The following KCNT2 variants were observed in gnomAD, a reference collection of about 807,000 sequenced individuals.
KCNT2 encodes the protein potassium sodium-activated channel subfamily T member 2.
A neutral mutation model predicts 153.8 loss-of-function variants in KCNT2; 67 were observed. That is an observed-to-expected ratio of 0.44 (90% CI 0.36 to 0.53). The LOEUF is 0.53. KCNT2 is among the 20% of genes least tolerant of loss of function. The pLI is 0.00. For missense variants in KCNT2, 975 were observed against 1,354.8 expected, an observed-to-expected ratio of 0.72 and a Z score of 4.40; for synonymous variants, 500 against 458.8, an observed-to-expected ratio of 1.09 and a Z score of -1.15.
intron 1 of KCNT2, among the ~76,000 whole-genome samples, chr1:196,573,293 G>T (rs746814189): frequency 1.3e-5 from 2 of 151,990 alleles, no homozygotes; most frequent in Non-Finnish European, 2.9e-5. Context: ...AACTCATAAA[G>T]ATATTTGTGT....
At chr1:196,520,072 A>G (rs2148820009) in intron 1 of KCNT2, among the ~76,000 whole-genome samples, 1 of 152,282 alleles carries the variant, frequency 6.6e-6, no homozygotes, top group East Asian at 1.9e-4. Context: ...ATACTGGCAA[A>G]CCAAATCCAG....
At chr1:196,525,311 T>C (rs1654026525) in intron 1 of KCNT2, among the ~76,000 whole-genome samples, 2 of 152,228 alleles carry the variant, frequency 1.3e-5, no homozygotes, top group African/African-American at 4.8e-5. Flanking sequence ...TCAGCTCTCA[T>C]ACTGTAAACA....
At chr1:196,432,670 C>T (rs1006748721) in intron 8 of KCNT2, among the ~76,000 whole-genome samples, 1 of 152,078 alleles carries the variant, frequency 6.6e-6, no homozygotes, top group Non-Finnish European at 1.5e-5. Flanking sequence ...ATGCCTGTCT[C>T]ACCATTGTAT....
chr1:196,354,360 C>T (rs567681491), intron 14 of KCNT2, among the ~76,000 whole-genome samples: 14 of 151,826 alleles, frequency 9.2e-5, no homozygotes, highest in African/African-American at 3.1e-4. Flanking sequence ...TAATTTACTT[C>T]AGATTCACCA....
At chr1:196,439,534 G>A (rs1376138305) in intron 8 of KCNT2, among the ~76,000 whole-genome samples, 1 of 151,904 alleles carries the variant, frequency 6.6e-6, no homozygotes, top group Non-Finnish European at 1.5e-5. Flanking sequence ...AATAGTTATT[G>A]ATTTTCCAAA....
chr1:196,402,151 C>T (rs959213581), intron 12 of KCNT2, among the ~76,000 whole-genome samples: 2 of 151,290 alleles, frequency 1.3e-5, no homozygotes, highest in African/African-American at 2.4e-5. Context: ...GAAATGTACT[C>T]CCATTGGAAT....
chr1:196,340,086 G>A (rs550546479), intron 16 of KCNT2, among the ~76,000 whole-genome samples: 2 of 152,062 alleles, frequency 1.3e-5, no homozygotes, highest in South Asian at 4.2e-4. Flanking sequence ...CCTGGCTCAA[G>A]CAATTCTTCC....
intron 26 of KCNT2, among the ~76,000 whole-genome samples, chr1:196,245,253 A>G (rs942461102): frequency 4.6e-5 from 7 of 151,978 alleles, no homozygotes; most frequent in African/African-American, 1.4e-4. Flanking sequence ...AACTTTGGGA[A>G]GCCGAGGTGG....
chr1:196,523,781 A>G (rs868147694), intron 1 of KCNT2, among the ~76,000 whole-genome samples: 1 of 152,206 alleles, frequency 6.6e-6, no homozygotes, highest in African/African-American at 2.4e-5. Context: ...AGCGATTCAA[A>G]TTAAAGCTGT....
At chr1:196,574,909 C>G (rs1379091751) in intron 1 of KCNT2, among the ~76,000 whole-genome samples, 1 of 151,868 alleles carries the variant, frequency 6.6e-6, no homozygotes, top group African/African-American at 2.4e-5. Context: ...AGATATTTCT[C>G]CCTGTTTTCA....
At chr1:196,403,169 T>C (rs1572329151) in intron 12 of KCNT2, among the ~76,000 whole-genome samples, 1 of 151,804 alleles carries the variant, frequency 6.6e-6, no homozygotes, top group East Asian at 2.0e-4. Flanking sequence ...GTAACCAAGA[T>C]ATACTTCAAT....
intron 22 of KCNT2, among the ~76,000 whole-genome samples, chr1:196,299,594 A>C (rs916148284): frequency 2.6e-5 from 4 of 152,140 alleles, no homozygotes; most frequent in Admixed American, 2.6e-4. Flanking sequence ...AAAAAGACAA[A>C]AAATAACAAA....
intron 22 of KCNT2, among the ~76,000 whole-genome samples, chr1:196,298,772 C>T (rs921031507): frequency 6.7e-6 from 1 of 148,216 alleles, no homozygotes; most frequent in African/African-American, 2.5e-5. Flanking sequence ...AGAGGTGCCC[C>T]TCCATAAGTC....
At chr1:196,256,635 T>C (rs1484179397) in intron 26 of KCNT2, among the ~76,000 whole-genome samples, 3 of 151,418 alleles carry the variant, frequency 2.0e-5, no homozygotes, top group African/African-American at 7.3e-5. Flanking sequence ...AATATAAAAA[T>C]AAGATTCCTA....
At chr1:196,541,729 A>G (rs977523406) in intron 1 of KCNT2, among the ~76,000 whole-genome samples, 1 of 152,122 alleles carries the variant, frequency 6.6e-6, no homozygotes, top group African/African-American at 2.4e-5. Context: ...TAAAAGACTC[A>G]GTTTTTGATT....
In KCNT2 at chr1:196,258,287, G is replaced by T. The variant is rs1344746416; in HGVS notation, c.3118C>A (p.Arg1040=). 1.2e-6 allele frequency: 2 copies of T among 1,613,982 alleles called. No homozygotes were observed. The highest frequency in any genetic ancestry group is 2.2e-5 in the South Asian group (2 of 91,084). ...TCTGACCTCCTGTAGAGGTTCAGTC[G>T]CTGCTGGGTTATTTTTTCAGCTGTT... ...GKTAEKITQQ[R]LNLYRRSERQ... is the part of the protein sequence containing the mutation. The change falls in exon 26 of 28, where the codon CGA becomes AGA. Residue 1040 remains arginine, a synonymous_variant. Coordinates refer to ENST00000294725, the MANE Select transcript of KCNT2 (RefSeq NM_198503.5).
intron 26 of KCNT2, among the ~76,000 whole-genome samples, chr1:196,244,458 G>C (rs1483723724): frequency 6.6e-6 from 1 of 152,042 alleles, no homozygotes; most frequent in Non-Finnish European, 1.5e-5. Context: ...CTGGGCCAAA[G>C]GGGTGCCTAC....
chr1:196,331,501 A>G (rs2148104053), intron 17 of KCNT2, among the ~76,000 whole-genome samples: 1 of 152,176 alleles, frequency 6.6e-6, no homozygotes, highest in East Asian at 1.9e-4. Context: ...GAAAAAATCA[A>G]ACTAGTATTT....
intron 20 of KCNT2, among the ~76,000 whole-genome samples, chr1:196,316,511 T>A (rs1572014406): frequency 6.6e-6 from 1 of 151,710 alleles, no homozygotes; most frequent in African/African-American, 2.4e-5. Flanking sequence ...TATTTTTAAA[T>A]GTTTATTATT....
Sources: allele counts gnomAD v4.1 joint callset (sites outside exome capture counted in the v4.1 genomes callset), GRCh38; gene constraint gnomAD v4.1.1; transcripts MANE v1.5; gene names NCBI Gene and HGNC (gene_info 2026-07-23, HGNC 2026-07-21).